Variants in HUNK observed in about 807,000 individuals in gnomAD.
HUNK encodes the protein hormonally up-regulated neu tumor-associated kinase.
In HUNK, 21 loss-of-function variants were observed where a neutral mutation model predicts 61.0. The observed-to-expected ratio is 0.34, with a 90% confidence interval of 0.24 to 0.50. The LOEUF (loss-of-function observed/expected upper bound fraction) is 0.50. Among genes scored for constraint, HUNK ranks in the 20% least tolerant of loss-of-function variants. HUNK has a pLI of 0.98. For synonymous variants in HUNK, 371 were observed against 386.1 expected, an observed-to-expected ratio of 0.96 and a Z score of 0.46; for missense variants, 772 against 945.7, an observed-to-expected ratio of 0.82 and a Z score of 2.41.
chr21:31,988,615 C>T (rs1230076277), intron 8 of HUNK, among the ~76,000 whole-genome samples: 1 of 151,976 alleles, frequency 6.6e-6, no homozygotes, highest in Non-Finnish European at 1.5e-5. Flanking sequence ...CCCAATTTCC[C>T]TGTTCTTTTC....
At chr21:31,884,603 T>A (rs190081292) in intron 1 of HUNK, among the ~76,000 whole-genome samples, 1,985 of 134,474 alleles carry the variant, frequency 0.015, 14 homozygotes, top group African/African-American at 0.025. Flanking sequence ...AAAAAAAAAA[T>A]AAATAAATAA....
chr21:31,986,576 C>T (rs977208590), intron 8 of HUNK, among the ~76,000 whole-genome samples: 1 of 152,024 alleles, frequency 6.6e-6, no homozygotes, highest in Non-Finnish European at 1.5e-5. Flanking sequence ...AGGCAGACTC[C>T]GTGCATGGTC....
At chr21:31,958,741 C>A in intron 4 of HUNK, 102 bp from the exon 5 acceptor site, 1 of 1,125,534 alleles carries the variant, frequency 8.9e-7, no homozygotes, top group Non-Finnish European at 1.2e-6. Context: ...TTGAGGTTGG[C>A]ATGGAAGCAG....
At chr21:31,914,160 C>A (rs2052565642) in intron 1 of HUNK, among the ~76,000 whole-genome samples, 1 of 151,994 alleles carries the variant, frequency 6.6e-6, no homozygotes, top group Non-Finnish European at 1.5e-5. Context: ...GTAATCCCAG[C>A]ACTTTGGGAG....
intron 1 of HUNK, among the ~76,000 whole-genome samples, chr21:31,902,735 T>C (rs1442172959): frequency 1.3e-5 from 2 of 152,194 alleles, no homozygotes; most frequent in African/African-American, 2.4e-5. Flanking sequence ...TGCATGCTTA[T>C]TGACAGCTAA....
chr21:31,883,567 G>A (rs771969163), intron 1 of HUNK, among the ~76,000 whole-genome samples: 90 of 151,826 alleles, frequency 5.9e-4, no homozygotes, highest in Non-Finnish European at 9.9e-4. Context: ...ACCTTCCCTC[G>A]CTCCCCATTA....
intron 1 of HUNK, among the ~76,000 whole-genome samples, chr21:31,879,220 A>C (rs1207692090): frequency 1.3e-5 from 2 of 152,184 alleles, no homozygotes; most frequent in Non-Finnish European, 2.9e-5. Flanking sequence ...GAAGTGCTAG[A>C]AGTTTAGGGG....
chr21:31,948,356 C>A (rs2052824477), intron 4 of HUNK, among the ~76,000 whole-genome samples: 1 of 152,226 alleles, frequency 6.6e-6, no homozygotes, highest in South Asian at 2.1e-4. Flanking sequence ...GGCCTGGAAC[C>A]CTCTCTTTTT....
intron 1 of HUNK, among the ~76,000 whole-genome samples, chr21:31,909,163 A>G (rs1040273241): frequency 1.1e-4 from 17 of 152,212 alleles, no homozygotes; most frequent in Admixed American, 4.6e-4. Context: ...CACATATTTT[A>G]ACTAAGTAGC....
At chr21:31,921,683 C>A (rs1221683301) in intron 1 of HUNK, among the ~76,000 whole-genome samples, 1 of 152,128 alleles carries the variant, frequency 6.6e-6, no homozygotes, top group African/African-American at 2.4e-5. Context: ...TTCAAGAGGC[C>A]AGGAGGAGCC....
At chr21:31,932,315 C>T (rs2052704054) in intron 2 of HUNK, among the ~76,000 whole-genome samples, 1 of 152,140 alleles carries the variant, frequency 6.6e-6, no homozygotes, top group Non-Finnish European at 1.5e-5. Flanking sequence ...GTCATGGCAA[C>T]AGGACCCTCC....
intron 10 of HUNK, among the ~76,000 whole-genome samples, chr21:31,997,552 G>C (rs2123261323): frequency 6.6e-6 from 1 of 152,298 alleles, no homozygotes; most frequent in South Asian, 2.1e-4. Flanking sequence ...ATAGAGACAG[G>C]CAGTAAAATG....
intron 8 of HUNK, among the ~76,000 whole-genome samples, chr21:31,988,663 TTCTTTCTTTC>T (rs2053150305): frequency 8.1e-6 from 1 of 123,618 alleles, no homozygotes; most frequent in Non-Finnish European, 1.8e-5. Context: ...TTTCTCTCTT[TTCTTTCTTTC>T]TCTTTCTTTT....
chr21:31,891,309 G>C (rs1347423371), intron 1 of HUNK, among the ~76,000 whole-genome samples: 1 of 152,212 alleles, frequency 6.6e-6, no homozygotes, highest in African/African-American at 2.4e-5. Context: ...CCCAGGAGGC[G>C]GAGGTTGCAG....
In HUNK at chr21:31,968,168, C is replaced by T. The variant is rs375531969; in HGVS notation, c.875-82C>T. 78 of 1,551,728 alleles carry T rather than the reference C, an allele frequency of 5.0e-5. 1 individual carries two copies. The highest frequency in any genetic ancestry group is 3.2e-4 in the African/African-American group (24 of 73,960). On this transcript the variant is annotated intron_variant, in intron 5 of 10. Transcript: ENST00000270112. Reference sequence around the variant, plus strand: ...GACTCGGGATGGGCAGGCAAGGTGGCGAGTCCCCTGTGATGGTGGCTTTCA... The same window carrying T: ...GACTCGGGATGGGCAGGCAAGGTGGTGAGTCCCCTGTGATGGTGGCTTTCA...
intron 1 of HUNK, among the ~76,000 whole-genome samples, chr21:31,922,484 G>T (rs1416568359): frequency 6.6e-6 from 1 of 150,522 alleles, no homozygotes; most frequent in East Asian, 2.0e-4. Flanking sequence ...CCACCACCAC[G>T]CCCATCTAAT....
At chr21:31,919,691 G>C (rs972707723) in intron 1 of HUNK, among the ~76,000 whole-genome samples, 3 of 152,184 alleles carry the variant, frequency 2.0e-5, no homozygotes, top group Admixed American at 2.0e-4. Context: ...CTGAGAGGGA[G>C]TTCGTGAAGA....
chr21:31,892,526 C>T (rs1208360165), intron 1 of HUNK, among the ~76,000 whole-genome samples: 1 of 139,480 alleles, frequency 7.2e-6, no homozygotes, highest in Non-Finnish European at 1.5e-5. Flanking sequence ...GCCGAGATTG[C>T]GCCACTGCTC....
At chr21:31,888,634 G>A (rs2052365189) in intron 1 of HUNK, among the ~76,000 whole-genome samples, 1 of 152,142 alleles carries the variant, frequency 6.6e-6, no homozygotes, top group Admixed American at 6.6e-5. Context: ...CAGCCACTCG[G>A]GAGGCTGAGG....
Sources: gnomAD v4.1 joint callset for allele counts (sites outside exome capture counted in the v4.1 genomes callset) on GRCh38, gnomAD v4.1.1 for gene constraint, MANE v1.5 for transcripts, NCBI Gene and HGNC (gene_info 2026-07-23, HGNC 2026-07-21) for gene names.